UTRN: variants seen among roughly 807,000 people sequenced by gnomAD.
UTRN encodes the protein utrophin.
Under a neutral mutation model 463.9 loss-of-function variants are expected in UTRN, and 283 were observed. The observed-to-expected ratio is 0.61, with a 90% CI of 0.55 to 0.67. The LOEUF (loss-of-function observed/expected upper bound fraction) is 0.67. Ranked by LOEUF, UTRN falls within the 30% of genes least tolerant of loss-of-function variation. The pLI is 0.00. For missense variants in UTRN, 3,922 were observed against 4,084.3 expected (o/e 0.96, Z 1.08); for synonymous variants, 1,442 against 1,431.5 (o/e 1.01, Z -0.17).
intron 51 of UTRN, among the ~76,000 whole-genome samples, chr6:144,644,499 C>A (rs1778092363): frequency 6.6e-6 from 1 of 151,920 alleles, no homozygotes; most frequent in Non-Finnish European, 1.5e-5. Context: ...TCAAGAAGTT[C>A]TAAAAATGGA....
chr6:144,443,202 A>G (rs778047695), intron 13 of UTRN, among the ~76,000 whole-genome samples: 3 of 152,228 alleles, frequency 2.0e-5, no homozygotes, highest in Non-Finnish European at 4.4e-5. Flanking sequence ...ATGATGCCTC[A>G]TTAAGTGAGG....
chr6:144,821,490 G>A (rs1449759304), intron 66 of UTRN, among the ~76,000 whole-genome samples: 4 of 151,706 alleles, frequency 2.6e-5, no homozygotes, highest in Non-Finnish European at 5.9e-5. Context: ...AAATTCTAAA[G>A]TATCACATTA....
At chr6:144,757,236 TAAAAAAAA>T (rs375711274) in intron 57 of UTRN, among the ~76,000 whole-genome samples, 1 of 115,544 alleles carries the variant, frequency 8.7e-6, no homozygotes, top group Non-Finnish European at 1.8e-5. Context: ...ACTAGAATTG[TAAAAAAAA>T]AAAAAAAAAA....
At chr6:144,644,069 A>G (rs6929795) in intron 51 of UTRN, among the ~76,000 whole-genome samples, 85,600 of 152,072 alleles carry the variant, frequency 0.56, 25,348 homozygotes, top group East Asian at 0.86. Context: ...AGGGAAATAT[A>G]TGAATAAGAG....
chr6:144,698,126 C>A (rs1239516696), intron 52 of UTRN, among the ~76,000 whole-genome samples: 1 of 152,146 alleles, frequency 6.6e-6, no homozygotes, highest in African/African-American at 2.4e-5. Context: ...TGGCTTAGAA[C>A]TACAGAGAAT....
chr6:144,559,078 G>A (rs2128616246), intron 50 of UTRN, among the ~76,000 whole-genome samples: 1 of 151,206 alleles, frequency 6.6e-6, no homozygotes, highest in Non-Finnish European at 1.5e-5. Flanking sequence ...TGTGTGGCCT[G>A]CTTTATTTAG....
chr6:144,378,641 G>A (rs1780660370), intron 2 of UTRN, among the ~76,000 whole-genome samples: 1 of 152,240 alleles, frequency 6.6e-6, no homozygotes, highest in Admixed American at 6.5e-5. Flanking sequence ...GAAGGTCAGT[G>A]TGCTGGAGCA....
chr6:144,832,749 T>G (rs1017602728), intron 69 of UTRN, among the ~76,000 whole-genome samples: 15 of 152,316 alleles, frequency 9.8e-5, no homozygotes, highest in African/African-American at 3.6e-4. Flanking sequence ...CTTTCCATAT[T>G]TATTATTTTC....
At chr6:144,547,925 T>G (rs1223715455) in intron 46 of UTRN, among the ~76,000 whole-genome samples, 3 of 152,250 alleles carry the variant, frequency 2.0e-5, no homozygotes, top group African/African-American at 7.2e-5. Context: ...TTTAGAAAAT[T>G]ATTTAAGCCT....
intron 34 of UTRN, among the ~76,000 whole-genome samples, chr6:144,501,887 G>C (rs1794216177): frequency 6.6e-6 from 1 of 151,954 alleles, no homozygotes; most frequent in Non-Finnish European, 1.5e-5. Flanking sequence ...ATCATGTTTT[G>C]GTTATTTAAT....
intron 46 of UTRN, among the ~76,000 whole-genome samples, chr6:144,548,161 T>G (rs982116892): frequency 2.6e-5 from 4 of 152,166 alleles, no homozygotes; most frequent in African/African-American, 7.2e-5. Context: ...TTTAAAAAAT[T>G]AAAATAAAAT....
chr6:144,455,112 T>C lies in UTRN; in HGVS notation c.2284+1243T>C, dbSNP rs796127214. Among the ~76,000 whole-genome samples, 21 of 152,218 alleles carry C rather than the reference T, an allele frequency of 1.4e-4. No homozygotes were observed. In the South Asian group the frequency reaches 3.7e-3, roughly 27 times the overall value. ...AAACATATATACACACACAAACATA[T>C]ATAGATATATACACATACACACAAA... is the stretch of plus-strand genomic sequence containing the variant. On this transcript the variant is annotated intron_variant, in intron 19 of 74. Transcript: ENST00000367545.
intron 58 of UTRN, among the ~76,000 whole-genome samples, chr6:144,762,132 A>G (rs1792766958): frequency 6.6e-6 from 1 of 152,188 alleles, no homozygotes. Flanking sequence ...AGTCTTAATG[A>G]ATTATCAATA....
At chr6:144,383,181 C>G (rs1781087039) in intron 2 of UTRN, among the ~76,000 whole-genome samples, 1 of 152,178 alleles carries the variant, frequency 6.6e-6, no homozygotes, top group African/African-American at 2.4e-5. Context: ...ATCCACTCGC[C>G]TTAGCCTCCC....
rs1780275093 is a variant in UTRN, at chr6:144,827,361, A to G, written c.9508A>G (p.Ile3170Val). ...CCCTCTTTGCAGTCCTATCACACTCATCAGTATGTGGCCAGAGCACTATGA... is the reference window on the plus strand; with the variant it reads ...CCCTCTTTGCAGTCCTATCACACTCGTCAGTATGTGGCCAGAGCACTATGA... ...GDNLETPITL[I>V]SMWPEHYDPS... The change falls in exon 67 of 75, where the codon ATC (isoleucine) becomes GTC (valine). Residue 3170 changes from isoleucine (I) to valine (V), a missense_variant. Transcript: ENST00000367545. The G allele has an allele frequency of 6.2e-7, 1 of 1,613,444 alleles. No individual in the cohort carries two copies. The highest frequency in any genetic ancestry group is 8.5e-7 in the Non-Finnish European group (1 of 1,179,592).
At chr6:144,506,127 A>C (rs985334708) in intron 34 of UTRN, among the ~76,000 whole-genome samples, 1 of 143,946 alleles carries the variant, frequency 6.9e-6, no homozygotes, top group African/African-American at 2.6e-5. Flanking sequence ...ATATTCCTCT[A>C]TCCCTTTATT....
At chr6:144,576,969 G>A in intron 50 of UTRN, 130 bp from the exon 51 acceptor site, 1 of 743,314 alleles carries the variant, frequency 1.3e-6, no homozygotes, top group East Asian at 2.7e-5. Flanking sequence ...AAATCTCCCA[G>A]TTACCTATGG....
In UTRN at chr6:144,516,156, AC is replaced by A. The variant is rs1795592854; in HGVS notation, c.5245-69del. 13 of 1,455,208 alleles carry A rather than the reference AC, an allele frequency of 8.9e-6. No individual in the cohort carries two copies. In the Admixed American group the frequency reaches 1.2e-4, roughly 13 times the overall value. 90.1% of individuals were successfully genotyped at this position (1,455,208 alleles called of 1,614,324 possible). ...AAAAAGTGTTAGTTTCTCTCTTGAC[AC>A]CCCATCTCTCTGATTAATGATGGAA... is the stretch of plus-strand genomic sequence containing the variant. On this transcript the variant is annotated intron_variant, in intron 37 of 74. Coordinates refer to ENST00000367545, the MANE Select transcript of UTRN (RefSeq NM_007124.3).
chr6:144,596,346 G>A (rs1240987434), intron 51 of UTRN, among the ~76,000 whole-genome samples: 2 of 152,120 alleles, frequency 1.3e-5, no homozygotes, highest in Non-Finnish European at 1.5e-5. Context: ...GGCAGTGAGA[G>A]TAGAGTTTTC....
Sources: allele counts gnomAD v4.1 joint callset (sites outside exome capture counted in the v4.1 genomes callset), GRCh38; gene constraint gnomAD v4.1.1; transcripts MANE v1.5; gene names NCBI Gene and HGNC (gene_info 2026-07-23, HGNC 2026-07-21).